ECPAS: variants seen among roughly 807,000 people sequenced by gnomAD.
ECPAS encodes proteasome adapter and scaffold protein ECM29.
ECPAS carries 70 observed loss-of-function variants against 255.1 expected under a neutral mutation model. The ratio of observed to expected loss-of-function variants is 0.27; its 90% CI spans 0.23 to 0.33. ECPAS has a LOEUF of 0.33. ECPAS is among the 10% of genes least tolerant of loss of function. The probability of loss-of-function intolerance (pLI) is 1.00; values close to 1 mark genes in which losing one functional copy is unlikely to be tolerated. For synonymous variants in ECPAS, 784 were observed against 775.0 expected, an observed-to-expected ratio of 1.01 and a Z score of -0.19; for missense variants, 1,817 against 2,206.4, an observed-to-expected ratio of 0.82 and a Z score of 3.54.
chr9:111,404,636 TA>T (rs2098181221), intron 24 of ECPAS, among the ~76,000 whole-genome samples: 1 of 149,276 alleles, frequency 6.7e-6, no homozygotes, highest in African/African-American at 2.6e-5. Flanking sequence ...GCCAAGATTG[TA>T]AGTTTCCTGA....
chr9:111,450,780 T>C (rs367782447), intron 3 of ECPAS, among the ~76,000 whole-genome samples: 1 of 152,020 alleles, frequency 6.6e-6, no homozygotes, highest in African/African-American at 2.4e-5. Flanking sequence ...ATTTAAACAT[T>C]AGCCAGGCAT....
chr9:111,388,991 G>C (rs2098155065), intron 31 of ECPAS, among the ~76,000 whole-genome samples: 1 of 152,172 alleles, frequency 6.6e-6, no homozygotes, highest in Non-Finnish European at 1.5e-5. Flanking sequence ...GTGACATCTG[G>C]ACCAAAAGTG....
rs537551311 is a variant in ECPAS at position 111,455,308 on chromosome 9, C to T, written c.23-3753G>A. Among the ~76,000 whole-genome samples the T allele has an allele frequency of 2.0e-5, 3 of 152,212 alleles. No individual in the cohort carries two copies. In the South Asian group the frequency reaches 6.2e-4, roughly 32 times the overall value. ...GACTATCCTGGCGAACACGGTGAAACCCCATCTCTACTAAAATTTCAAAAA... is the reference window on the plus strand; with the variant it reads ...GACTATCCTGGCGAACACGGTGAAATCCCATCTCTACTAAAATTTCAAAAA... On this transcript the variant is annotated intron_variant, in intron 2 of 49. Coordinates refer to ENST00000684092, the MANE Select transcript of ECPAS (RefSeq NM_001364929.1).
rs192561840 is a variant in ECPAS, at chr9:111,403,468, C to T, written c.2652+5103G>A. ...CCAAAAAAGAATAGAAGTAACTATACTTGCATCAGATAAAATAGATTTCAA... is the reference window on the plus strand; with the variant it reads ...CCAAAAAAGAATAGAAGTAACTATATTTGCATCAGATAAAATAGATTTCAA... On this transcript the variant is annotated intron_variant, in intron 24 of 49. Coordinates refer to ENST00000684092, the MANE Select transcript of ECPAS (RefSeq NM_001364929.1). 6.0e-4 allele frequency among the ~76,000 whole-genome samples: 83 copies of T among 137,880 alleles called. 1 individual carries two copies. The highest frequency in any genetic ancestry group is 3.6e-3 in the Middle Eastern group (1 of 274). The allele number at this position is 137,880 out of a possible 152,430, so 90.5% of individuals were successfully genotyped here.
chr9:111,469,796 G>A (rs185847076), intron 2 of ECPAS, among the ~76,000 whole-genome samples: 91 of 151,390 alleles, frequency 6.0e-4, no homozygotes, highest in Non-Finnish European at 9.3e-4. Context: ...GTGACAGAGC[G>A]AGACTCTGTC....
chr9:111,442,185 G>A, intron 5 of ECPAS, 121 bp downstream of exon 5: 1 of 574,190 alleles, frequency 1.7e-6, no homozygotes. Flanking sequence ...TCTATTATTT[G>A]TCAGCTAAAA....
intron 17 of ECPAS, 36 bp downstream of exon 17, chr9:111,417,847 T>C: frequency 2.0e-6 from 3 of 1,499,740 alleles, no homozygotes; most frequent in Non-Finnish European, 2.7e-6. Context: ...TCATCCATTA[T>C]GATTTAGACT....
chr9:111,435,045 T>A (rs921199178), intron 7 of ECPAS, among the ~76,000 whole-genome samples: 7 of 151,678 alleles, frequency 4.6e-5, no homozygotes, highest in Admixed American at 1.3e-4. Flanking sequence ...GTTACAGGCA[T>A]GCACCACCAC....
intron 8 of ECPAS, 38 bp downstream of exon 8, chr9:111,433,195 G>A (rs753272839): frequency 6.3e-7 from 1 of 1,596,142 alleles, no homozygotes; most frequent in East Asian, 2.2e-5. Flanking sequence ...TAGAAATGTA[G>A]TCCTTTCAAT....
In ECPAS at chr9:111,437,043, C is replaced by G; in HGVS notation, c.605G>C (p.Ser202Thr). 6.2e-7 allele frequency: 1 copy of G among 1,613,382 alleles called. No individual in the cohort carries two copies. The highest frequency in any genetic ancestry group is 8.5e-7 in the Non-Finnish European group (1 of 1,179,674). Residue 202 changes from serine to threonine, a missense_variant, in exon 7 of 50, where the codon AGT (serine) becomes ACT (threonine). Transcript: ENST00000684092. ...SSSAQGSSSN[S>T]GGGSGIPQPP... The stretch of plus-strand genomic sequence containing the variant: ...CTGTGGGATTCCAGAACCTCCGCCA[C>G]TGTTTGAAGAAGAACCCTGTGCTGA...
intron 27 of ECPAS, among the ~76,000 whole-genome samples, 159 bp downstream of exon 27, chr9:111,393,521 A>G (rs1162305382): frequency 2.0e-5 from 3 of 152,242 alleles, no homozygotes; most frequent in African/African-American, 4.8e-5. Flanking sequence ...GTTTCTAAAC[A>G]TTAACATAAT....
chr9:111,451,676 G>A (rs1347556711), intron 2 of ECPAS, 121 bp from the exon 3 acceptor site: 5 of 877,732 alleles, frequency 5.7e-6, no homozygotes, highest in African/African-American at 1.7e-5. Flanking sequence ...TTTAACCACA[G>A]CTAGCCCTAT....
At chr9:111,393,021 C>T in intron 27 of ECPAS, 139 bp from the exon 28 acceptor site, 2 of 605,866 alleles carry the variant, frequency 3.3e-6, no homozygotes, top group African/African-American at 1.9e-5. Context: ...ATCAATATGC[C>T]TATTTTGTTA....
At chr9:111,415,041 G>C (rs1158668354) in intron 18 of ECPAS, among the ~76,000 whole-genome samples, 1 of 152,114 alleles carries the variant, frequency 6.6e-6, no homozygotes, top group South Asian at 2.1e-4. Context: ...TGAGGAGAGA[G>C]GGTGGGAGGA....
At chr9:111,413,248 T>G (rs577188014) in intron 20 of ECPAS, among the ~76,000 whole-genome samples, 1 of 152,214 alleles carries the variant, frequency 6.6e-6, no homozygotes, top group Non-Finnish European at 1.5e-5. Context: ...AGAATGGAAG[T>G]ACTCTAAATG....
intron 3 of ECPAS, among the ~76,000 whole-genome samples, chr9:111,448,849 C>T (rs2098256632): frequency 6.6e-6 from 1 of 152,180 alleles, no homozygotes; most frequent in Non-Finnish European, 1.5e-5. Flanking sequence ...AATGACCAAA[C>T]TGCACATCAA....
chr9:111,376,484 T>C lies in ECPAS; in HGVS notation c.4012A>G (p.Ile1338Val), dbSNP rs747003887. ...TTATTTAAGACACTCACCATGTTGATTGTTTCCATCATTGGAGAAGATTTG... is the reference window on the plus strand; with the variant it reads ...TTATTTAAGACACTCACCATGTTGACTGTTTCCATCATTGGAGAAGATTTG... ...AAKSSPMMET[I>V]NMCLQYLDVS... Residue 1338 changes from isoleucine to valine, a missense_variant, in exon 37 of 50, where the codon ATC becomes GTC. Physicochemically the swap from Ile to Val is conservative, Grantham distance 29 (BLOSUM62 3). Around this residue, in one of 4 missense-constraint regions of ECPAS, gnomAD observed 960 missense variants for 1,179.0 expected, o/e 0.81. Coordinates refer to ENST00000684092, the MANE Select transcript of ECPAS (RefSeq NM_001364929.1). 43 of 1,594,376 alleles carry C rather than the reference T, an allele frequency of 2.7e-5. No individual in the cohort carries two copies. The highest frequency in any genetic ancestry group is 3.5e-5 in the Non-Finnish European group (41 of 1,169,612).
intron 25 of ECPAS, among the ~76,000 whole-genome samples, chr9:111,394,525 C>A (rs923737711): frequency 1.3e-5 from 2 of 152,074 alleles, no homozygotes; most frequent in African/African-American, 4.8e-5. Flanking sequence ...CTTTTTAGTT[C>A]CTGAGAATGA....
chr9:111,458,967 C>T (rs776112425), intron 2 of ECPAS, among the ~76,000 whole-genome samples: 4 of 152,068 alleles, frequency 2.6e-5, no homozygotes, highest in Admixed American at 6.6e-5. Context: ...AATGATTAAA[C>T]CTGAGGGGGT....
Sources: allele counts gnomAD v4.1 joint callset (sites outside exome capture counted in the v4.1 genomes callset), GRCh38; gene constraint gnomAD v4.1.1; regional missense constraint gnomAD v4.1.1; transcripts MANE v1.5; gene names NCBI Gene and HGNC (gene_info 2026-07-23, HGNC 2026-07-21).